Variants in SFXN1 observed in about 807,000 individuals in gnomAD.
SFXN1 encodes sideroflexin 1.
A neutral mutation model predicts 39.5 loss-of-function variants in SFXN1; 32 were observed. The ratio of observed to expected loss-of-function variants is 0.81; its 90% CI spans 0.61 to 1.09. The LOEUF is 1.09. SFXN1 is among the 50% of genes least tolerant of loss of function. The pLI, the probability that SFXN1 is intolerant of heterozygous loss-of-function variation, is 0.00. For missense variants in SFXN1, 402 were observed against 407.1 expected, an observed-to-expected ratio of 0.99 and a Z score of 0.11; for synonymous variants, 136 against 146.5, an observed-to-expected ratio of 0.93 and a Z score of 0.52.
At chr5:175,493,857 G>C (rs560416506) in intron 2 of SFXN1, among the ~76,000 whole-genome samples, 13 of 152,146 alleles carry the variant, frequency 8.5e-5, no homozygotes, top group Non-Finnish European at 1.6e-4. Context: ...AGTATTTTAG[G>C]CTTTACAGGC....
intron 1 of SFXN1, chr5:175,491,448 C>A (rs1016333497): frequency 6.6e-6 from 1 of 151,500 alleles, no homozygotes; most frequent in African/African-American, 2.4e-5. Flanking sequence ...AAACTTCGGA[C>A]CTTGTTACTG....
intron 3 of SFXN1, among the ~76,000 whole-genome samples, chr5:175,509,678 T>C (rs1760443324): frequency 6.6e-6 from 1 of 152,126 alleles, no homozygotes; most frequent in African/African-American, 2.4e-5. Context: ...TTCATATAGA[T>C]ATAGGTATAG....
In SFXN1 at chr5:175,527,813, A is replaced by G. The variant is rs1761111972; in HGVS notation, c.*1079A>G. On this transcript the variant is annotated 3_prime_UTR_variant, in exon 11 of 11. Transcript: ENST00000321442. ...TTTCATAGATAATATATTTAATATG[A>G]CAGATTATGTTTCAACTCTGTAGAT... 1 of 152,218 alleles carries G rather than the reference A, an allele frequency of 6.6e-6. No homozygotes were observed. Among genetic ancestry groups the G allele is most frequent in the Non-Finnish European group, 1.5e-5 (1 of 68,042 alleles). The allele number at this position is 152,218 out of a possible 1,614,324, so 9.4% of individuals were successfully genotyped here. A position where few individuals can be genotyped will look rare whatever the true frequency, so the allele number is the denominator to read the frequency against.
At chr5:175,500,662 A>G (rs1760042070) in intron 2 of SFXN1, among the ~76,000 whole-genome samples, 1 of 152,206 alleles carries the variant, frequency 6.6e-6, no homozygotes, top group Admixed American at 6.5e-5. Context: ...GGAGCCTAGA[A>G]TATTGGAAAC....
intron 2 of SFXN1, among the ~76,000 whole-genome samples, chr5:175,506,009 G>A (rs895168673): frequency 6.6e-6 from 1 of 152,100 alleles, no homozygotes; most frequent in Non-Finnish European, 1.5e-5. Context: ...GTAGAGATGG[G>A]ATTTCACCAT....
At chr5:175,490,901 A>T (rs1238779525) in intron 1 of SFXN1, among the ~76,000 whole-genome samples, 2 of 152,316 alleles carry the variant, frequency 1.3e-5, no homozygotes, top group East Asian at 3.9e-4. Context: ...CTAATTTTTT[A>T]AATTGTATAA....
chr5:175,518,813 A>C lies in SFXN1; in HGVS notation c.774+2150A>C, dbSNP rs138616611. ...TACAACTGTAAAACTTCTAGAAGAA[A>C]ATACAATAGAACACGGGCTAGGCAA... On this transcript the variant is annotated intron_variant, in intron 8 of 10. Transcript: ENST00000321442. 6.4e-4 allele frequency among the ~76,000 whole-genome samples: 97 copies of C among 152,378 alleles called. No individual in the cohort carries two copies. The East Asian group carries it at 0.015, about 24-fold the overall frequency.
At chr5:175,519,122 G>T (rs1198941034) in intron 8 of SFXN1, among the ~76,000 whole-genome samples, 1 of 152,186 alleles carries the variant, frequency 6.6e-6, no homozygotes, top group Non-Finnish European at 1.5e-5. Context: ...GTCTTTAGTC[G>T]TTGGGAAACC....
Position 175,505,125 on chromosome 5 carries a change from A to T in SFXN1, c.165-3907A>T, listed in dbSNP as rs115391509. ...TTTGGAATCATGTTAAGTTTGAGTA[A>T]ATGGAGAAATGTGCAGTAGGCCTGG... On this transcript the variant is annotated intron_variant, in intron 2 of 10. Transcript: ENST00000321442. 5.1e-3 allele frequency among the ~76,000 whole-genome samples: 784 copies of T among 152,252 alleles called. 5 individuals carry two copies. The highest frequency in any genetic ancestry group is 0.018 in the African/African-American group (731 of 41,564).
In SFXN1 at chr5:175,511,534, G is replaced by C. The variant is rs781234189; in HGVS notation, c.510+8G>C. The C allele has an allele frequency of 2.5e-6, 4 of 1,610,006 alleles. No individual in the cohort carries two copies. The highest frequency in any genetic ancestry group is 2.2e-5 in the East Asian group (1 of 44,824). ...CTCAATGCATTGACCAAGGTACTCAGATTTTTATTTCCATAATAAAGCTGT... is the reference window on the plus strand; with the variant it reads ...CTCAATGCATTGACCAAGGTACTCACATTTTTATTTCCATAATAAAGCTGT... On this transcript the variant is annotated splice_region_variant and intron_variant, in intron 5 of 10. Coordinates refer to ENST00000321442, the MANE Select transcript of SFXN1 (RefSeq NM_022754.7).
chr5:175,521,378 G>A (rs1383587201), intron 8 of SFXN1, among the ~76,000 whole-genome samples: 2 of 152,062 alleles, frequency 1.3e-5, no homozygotes, highest in African/African-American at 4.8e-5. Flanking sequence ...AGCATTTGTT[G>A]GGTTTCTGAT....
chr5:175,479,044 C>T (rs1759136089), intron 1 of SFXN1, among the ~76,000 whole-genome samples: 1 of 152,218 alleles, frequency 6.6e-6, no homozygotes, highest in Admixed American at 6.5e-5. Flanking sequence ...AGTGCCTGGC[C>T]CAGCGCTCCG....
chr5:175,509,657 C>T (rs570536018), intron 3 of SFXN1, among the ~76,000 whole-genome samples: 1 of 152,048 alleles, frequency 6.6e-6, no homozygotes, highest in South Asian at 2.1e-4. Flanking sequence ...GCAAATTCTC[C>T]TTTGACTCCA....
chr5:175,499,398 C>T (rs998973310), intron 2 of SFXN1, among the ~76,000 whole-genome samples: 2 of 152,082 alleles, frequency 1.3e-5, no homozygotes, highest in African/African-American at 4.8e-5. Context: ...TGACTAACAC[C>T]CCTCATAAAC....
chr5:175,517,712 A>T (rs1760754282), intron 8 of SFXN1, among the ~76,000 whole-genome samples: 1 of 152,216 alleles, frequency 6.6e-6, no homozygotes, highest in Non-Finnish European at 1.5e-5. Flanking sequence ...GAGGCAGCTT[A>T]TATTAAAATC....
rs1471633968 is a variant in SFXN1 at position 175,526,648 on chromosome 5, G to C, written c.883G>C (p.Val295Leu). 1.9e-6 allele frequency: 3 copies of C among 1,614,180 alleles called. No individual in the cohort carries two copies. Among genetic ancestry groups the C allele is most frequent in the Non-Finnish European group, 2.5e-6 (3 of 1,180,016 alleles). ...ALFPQKSSMS[V>L]TSLEAELQAK... is the part of the protein sequence containing the mutation. ...TCTCCCTTATCCCAGTTCCATGTCTGTGACAAGCTTGGAGGCCGAGTTGCA... is the reference window on the plus strand; with the variant it reads ...TCTCCCTTATCCCAGTTCCATGTCTCTGACAAGCTTGGAGGCCGAGTTGCA... Residue 295 changes from valine (V) to leucine (L), a missense_variant, in exon 11 of 11, where the codon GTG becomes CTG. Transcript: ENST00000321442.
chr5:175,501,781 A>G (rs920503584), intron 2 of SFXN1, among the ~76,000 whole-genome samples: 1 of 152,198 alleles, frequency 6.6e-6, no homozygotes, highest in Non-Finnish European at 1.5e-5. Context: ...AGAAGATGCT[A>G]CTTCACACCT....
At chr5:175,479,531 ACT>A (rs1759150983) in intron 1 of SFXN1, among the ~76,000 whole-genome samples, 1 of 151,650 alleles carries the variant, frequency 6.6e-6, no homozygotes, top group African/African-American at 2.4e-5. Flanking sequence ...TGTAACACAA[ACT>A]CTGGGTTTTT....
At chr5:175,520,826 A>T (rs1760858924) in intron 8 of SFXN1, among the ~76,000 whole-genome samples, 2 of 152,150 alleles carry the variant, frequency 1.3e-5, no homozygotes, top group South Asian at 4.1e-4. Context: ...TTCATCATCA[A>T]ACAGAGACAG....
Sources: gnomAD v4.1 joint callset for allele counts (sites outside exome capture counted in the v4.1 genomes callset) on GRCh38, gnomAD v4.1.1 for gene constraint, MANE v1.5 for transcripts, NCBI Gene and HGNC (gene_info 2026-07-23, HGNC 2026-07-21) for gene names.